ADAMTS12: variants seen among roughly 807,000 people sequenced by gnomAD.
ADAMTS12 encodes A disintegrin and metalloproteinase with thrombospondin motifs 12.
In ADAMTS12, 118 loss-of-function variants were observed where a neutral mutation model predicts 167.8. That is an observed-to-expected ratio of 0.70 (90% CI 0.61 to 0.82). The LOEUF is 0.82. Ranked by LOEUF, ADAMTS12 falls within the 40% of genes least tolerant of loss-of-function variation. The probability of loss-of-function intolerance (pLI) is 0.00; values close to 1 mark genes in which losing one functional copy is unlikely to be tolerated. For missense variants in ADAMTS12, 1,916 were observed against 1,998.8 expected (o/e 0.96, Z 0.79); for synonymous variants, 704 against 716.9 (o/e 0.98, Z 0.29).
intron 20 of ADAMTS12, among the ~76,000 whole-genome samples, chr5:33,556,362 T>G (rs1015363102): frequency 6.6e-6 from 1 of 152,210 alleles, no homozygotes; most frequent in African/African-American, 2.4e-5. Context: ...GATGACAACC[T>G]TGATTTTGTT....
intron 17 of ADAMTS12, among the ~76,000 whole-genome samples, chr5:33,591,622 T>A (rs534158630): frequency 6.6e-6 from 1 of 152,276 alleles, no homozygotes; most frequent in East Asian, 1.9e-4. Context: ...TCCAGCCTCA[T>A]TTTCCCTAGC....
chr5:33,667,721 A>G (rs1266340138), intron 5 of ADAMTS12, among the ~76,000 whole-genome samples: 1 of 152,212 alleles, frequency 6.6e-6, no homozygotes, highest in Admixed American at 6.5e-5. Context: ...CTATCTTCTA[A>G]AAATAAGTAG....
intron 20 of ADAMTS12, among the ~76,000 whole-genome samples, chr5:33,558,502 C>A (rs1011829481): frequency 5.3e-5 from 8 of 151,976 alleles, no homozygotes; most frequent in Non-Finnish European, 1.2e-4. Context: ...ACCCTAAAGG[C>A]CATGAAAGAG....
At chr5:33,706,928 A>G (rs187107354) in intron 3 of ADAMTS12, among the ~76,000 whole-genome samples, 19 of 152,298 alleles carry the variant, frequency 1.2e-4, no homozygotes, top group Non-Finnish European at 2.5e-4. Context: ...ACTCCTATTC[A>G]GCATAGTATT....
intron 18 of ADAMTS12, among the ~76,000 whole-genome samples, chr5:33,582,052 C>G (rs6861377): frequency 0.42 from 64,135 of 151,978 alleles, 14,308 homozygotes; most frequent in African/African-American, 0.56. Flanking sequence ...AGCTTCTGCA[C>G]ATGTGAGACA....
At position 33,844,561 on chromosome 5, in the gene ADAMTS12, C is replaced by T. The variant is rs992447087; in HGVS notation, c.489+36558G>A. Among the ~76,000 whole-genome samples, 8 of 152,070 alleles carry T rather than the reference C, an allele frequency of 5.3e-5. No individual in the cohort carries two copies. The East Asian group carries it at 9.6e-4, about 18-fold the overall frequency. Reference sequence around the variant, plus strand: ...CCCACCTAATAAATTTTGGTCAGACCGGTTGCTCTCAAACCCTGTCTCCTG... The same window carrying T: ...CCCACCTAATAAATTTTGGTCAGACTGGTTGCTCTCAAACCCTGTCTCCTG... On this transcript the variant is annotated intron_variant, in intron 2 of 23. Transcript: ENST00000504830.
chr5:33,877,535 A>G (rs1750272230), intron 2 of ADAMTS12, among the ~76,000 whole-genome samples: 1 of 152,238 alleles, frequency 6.6e-6, no homozygotes, highest in African/African-American at 2.4e-5. Context: ...CAGTTCCTCC[A>G]TCAAAAAGCT....
chr5:33,827,133 G>C, intron 2 of ADAMTS12, among the ~76,000 whole-genome samples: 1 of 151,916 alleles, frequency 6.6e-6, no homozygotes. Context: ...AAGGCTGACA[G>C]ATGGGCTTGG....
At chr5:33,584,469 T>A (rs1241350379) in intron 18 of ADAMTS12, among the ~76,000 whole-genome samples, 1 of 152,066 alleles carries the variant, frequency 6.6e-6, no homozygotes, top group Non-Finnish European at 1.5e-5. Flanking sequence ...CTCCCTGAGC[T>A]CAAGGAGAGG....
chr5:33,616,417 C>T (rs543574915), intron 14 of ADAMTS12, among the ~76,000 whole-genome samples: 3 of 152,344 alleles, frequency 2.0e-5, no homozygotes, highest in South Asian at 2.1e-4. Context: ...TAGCTTCCTG[C>T]TAGTATCTCT....
At chr5:33,708,347 G>T (rs57583231) in intron 3 of ADAMTS12, among the ~76,000 whole-genome samples, 90,799 of 151,978 alleles carry the variant, frequency 0.6, 28,420 homozygotes, top group Non-Finnish European at 0.69. Flanking sequence ...CACTGTTGGT[G>T]GGAGAGTAAA....
At chr5:33,562,943 T>C (rs1032042853) in intron 19 of ADAMTS12, among the ~76,000 whole-genome samples, 14 of 152,278 alleles carry the variant, frequency 9.2e-5, no homozygotes, top group African/African-American at 3.4e-4. Context: ...TCACTCTCCA[T>C]ATAATTTTAT....
intron 19 of ADAMTS12, among the ~76,000 whole-genome samples, chr5:33,567,606 G>A (rs145367809): frequency 1.3e-4 from 20 of 152,274 alleles, no homozygotes; most frequent in African/African-American, 3.6e-4. Flanking sequence ...GGGGGAATCC[G>A]AACACTATCA....
At chr5:33,660,517 T>C (rs569573866) in intron 6 of ADAMTS12, among the ~76,000 whole-genome samples, 1 of 152,322 alleles carries the variant, frequency 6.6e-6, no homozygotes, top group East Asian at 1.9e-4. Context: ...CACTCATTTC[T>C]TCAGGTGAGA....
intron 5 of ADAMTS12, among the ~76,000 whole-genome samples, chr5:33,676,637 G>T (rs556286620): frequency 6.6e-6 from 1 of 151,352 alleles, no homozygotes; most frequent in Non-Finnish European, 1.5e-5. Flanking sequence ...TGAACTATGT[G>T]CCACTGCACT....
intron 3 of ADAMTS12, among the ~76,000 whole-genome samples, chr5:33,717,766 G>T (rs770355326): frequency 3.3e-5 from 5 of 152,102 alleles, no homozygotes; most frequent in African/African-American, 4.8e-5. Flanking sequence ...ATAAGCCCAA[G>T]CCCATAAATG....
intron 3 of ADAMTS12, among the ~76,000 whole-genome samples, chr5:33,739,090 C>T (rs897417712): frequency 1.3e-5 from 2 of 152,134 alleles, no homozygotes; most frequent in Non-Finnish European, 1.5e-5. Flanking sequence ...TGAGAGAATA[C>T]CTCAGGCTTT....
At chr5:33,881,576 T>TC (rs1750447962) in intron 1 of ADAMTS12, 96 bp from the exon 2 acceptor site, 3 of 1,472,416 alleles carry the variant, frequency 2.0e-6, no homozygotes, top group Non-Finnish European at 2.7e-6. Context: ...TTTTTTTTTT[T>TC]TGGAAATGGA....
chr5:33,739,236 C>T (rs932170309), intron 3 of ADAMTS12, among the ~76,000 whole-genome samples: 12 of 152,058 alleles, frequency 7.9e-5, no homozygotes, highest in Non-Finnish European at 1.8e-4. Flanking sequence ...GTACACCCCA[C>T]GCATCAACAC....
Sources: gnomAD v4.1 joint callset for allele counts (sites outside exome capture counted in the v4.1 genomes callset) on GRCh38, gnomAD v4.1.1 for gene constraint, MANE v1.5 for transcripts, NCBI Gene and HGNC (gene_info 2026-07-23, HGNC 2026-07-21) for gene names.